Variants in DHX57 observed in about 807,000 individuals in gnomAD.
DHX57 encodes the protein putative ATP-dependent RNA helicase DHX57.
DHX57 carries 105 observed loss-of-function variants against 156.2 expected under a neutral mutation model. The ratio of observed to expected loss-of-function variants is 0.67; its 90% CI spans 0.57 to 0.79. The LOEUF is 0.79. DHX57 is among the 30% of genes least tolerant of loss of function. DHX57 has a pLI of 0.00. For synonymous variants in DHX57, 704 were observed against 595.6 expected (o/e 1.18, Z -2.65); for missense variants, 1,847 against 1,661.9 (o/e 1.11, Z -1.94).
At chr2:38,811,243 G>A (rs994009685) in intron 21 of DHX57, 2 of 504,424 alleles carry the variant, frequency 4.0e-6, no homozygotes, top group African/African-American at 1.9e-5. Flanking sequence ...GGATCCTCCC[G>A]GGAGCAATGA....
chr2:38,820,126 T>C (rs1670737162), intron 17 of DHX57, among the ~76,000 whole-genome samples: 4 of 152,220 alleles, frequency 2.6e-5, no homozygotes, highest in Admixed American at 2.6e-4. Context: ...CTCTAATTTT[T>C]GTATATTTAA....
At chr2:38,817,931 C>G (rs1670624340) in intron 19 of DHX57, among the ~76,000 whole-genome samples, 1 of 151,098 alleles carries the variant, frequency 6.6e-6, no homozygotes, top group Non-Finnish European at 1.5e-5. Context: ...TTCCTGGGCT[C>G]AAGCAATCGT....
At chr2:38,851,177 CTCTT>C (rs1365506102) in intron 9 of DHX57, among the ~76,000 whole-genome samples, 1 of 152,150 alleles carries the variant, frequency 6.6e-6, no homozygotes. Flanking sequence ...AAATACATCT[CTCTT>C]TCTACCATAT....
chr2:38,842,520 T>C (rs1452829454), intron 12 of DHX57, among the ~76,000 whole-genome samples: 1 of 152,018 alleles, frequency 6.6e-6, no homozygotes, highest in Non-Finnish European at 1.5e-5. Flanking sequence ...ACTAAAGTAT[T>C]AAGGGTAAAG....
chr2:38,815,919 T>A, intron 19 of DHX57: 1 of 484,000 alleles, frequency 2.1e-6, no homozygotes, highest in South Asian at 2.2e-5. Flanking sequence ...TAACTCTAGA[T>A]TACAATTTTA....
intron 12 of DHX57, 25 bp downstream of exon 12, chr2:38,842,980 A>G: frequency 6.2e-7 from 1 of 1,605,414 alleles, no homozygotes; most frequent in Non-Finnish European, 8.5e-7. Flanking sequence ...GCATAATTAT[A>G]ATATTCCCCC....
chr2:38,866,259 T>C (rs3099938), intron 2 of DHX57, among the ~76,000 whole-genome samples: 140,246 of 152,184 alleles, frequency 0.92, 65,772 homozygotes, highest in East Asian at 1. Flanking sequence ...TACAGTCTGG[T>C]CTTTCTGATC....
At chr2:38,810,163 G>A (rs1234138032) in intron 21 of DHX57, among the ~76,000 whole-genome samples, 2 of 151,478 alleles carry the variant, frequency 1.3e-5, no homozygotes, top group Admixed American at 1.3e-4. Context: ...CCAAAGTGCA[G>A]GGATTACAGA....
intron 13 of DHX57, among the ~76,000 whole-genome samples, chr2:38,828,973 C>T (rs2124825814): frequency 6.6e-6 from 1 of 152,220 alleles, no homozygotes; most frequent in Middle Eastern, 3.4e-3. Context: ...CAAGGCCTTG[C>T]TCTGTCACCC....
At chr2:38,861,987 C>G in intron 4 of DHX57, 150 bp from the exon 5 acceptor site, 1 of 1,217,418 alleles carries the variant, frequency 8.2e-7, no homozygotes, top group South Asian at 1.6e-5. Flanking sequence ...ACAATAAGCC[C>G]CCCTGAATGA....
intron 2 of DHX57, among the ~76,000 whole-genome samples, chr2:38,865,900 C>T (rs1665044382): frequency 6.6e-6 from 1 of 152,130 alleles, no homozygotes; most frequent in Non-Finnish European, 1.5e-5. Context: ...TCAACTCATG[C>T]CCCTTTATAG....
rs1304229609 is a variant in DHX57, at chr2:38,804,215, G to C, written c.3817-1300C>G. 2.6e-5 allele frequency among the ~76,000 whole-genome samples: 4 copies of C among 152,172 alleles called. No individual in the cohort carries two copies. In the East Asian group the frequency reaches 5.8e-4, roughly 22 times the overall value. Reference sequence around the variant, plus strand: ...CTTTTAAAAACATAAGTCTGGCAGGGCGTGGTGGCTCACGCCTGTAATCCC... The same window carrying C: ...CTTTTAAAAACATAAGTCTGGCAGGCCGTGGTGGCTCACGCCTGTAATCCC... On this transcript the variant is annotated intron_variant, in intron 22 of 23. Coordinates refer to ENST00000457308, the MANE Select transcript of DHX57 (RefSeq NM_198963.3).
intron 13 of DHX57, among the ~76,000 whole-genome samples, chr2:38,836,916 G>A (rs750594078): frequency 3.9e-5 from 6 of 151,936 alleles, no homozygotes; most frequent in Non-Finnish European, 8.8e-5. Flanking sequence ...GCAGTGGTGC[G>A]ATCATGGCTC....
At position 38,861,798 on chromosome 2, in the gene DHX57, C is replaced by G; in HGVS notation, c.612G>C (p.Arg204Ser). The change falls in exon 5 of 24, where the codon AGG becomes AGC. Residue 204 changes from arginine to serine, a missense_variant. By Grantham distance (110) the Arg-to-Ser change is moderately radical (BLOSUM62 -1). Transcript: ENST00000457308. ...ATGCTCCCACATCTCCATCACACAT[C>G]CTCAGGACCGCTTGACAGCGTTCAG... ...FNTERCQAVLRMCDGDVGASL... is the reference protein window; with the variant it reads ...FNTERCQAVLSMCDGDVGASL... 1 of 1,613,006 alleles carries G rather than the reference C, an allele frequency of 6.2e-7. No individual in the cohort carries two copies. Among genetic ancestry groups the G allele is most frequent in the African/African-American group, 1.3e-5 (1 of 75,034 alleles).
chr2:38,805,668 G>T (rs1669900229), intron 22 of DHX57, among the ~76,000 whole-genome samples: 2 of 152,120 alleles, frequency 1.3e-5, no homozygotes. Flanking sequence ...TGACTTCAGG[G>T]TTCTGGTTTT....
chr2:38,870,427 A>G (rs1187718681), intron 1 of DHX57, among the ~76,000 whole-genome samples: 1 of 152,284 alleles, frequency 6.6e-6, no homozygotes, highest in Non-Finnish European at 1.5e-5. Flanking sequence ...GTTGCAATAA[A>G]AATGTTGAAG....
chr2:38,842,420 A>C (rs1672055638), intron 12 of DHX57, among the ~76,000 whole-genome samples: 1 of 152,206 alleles, frequency 6.6e-6, no homozygotes, highest in African/African-American at 2.4e-5. Context: ...TGGACTGTGA[A>C]TTATATAATT....
intron 6 of DHX57, chr2:38,857,160 T>C (rs764652376): frequency 6.5e-6 from 1 of 154,130 alleles, no homozygotes; most frequent in Non-Finnish European, 1.5e-5. Flanking sequence ...ATGTGAAGAA[T>C]AGTGTTACTG....
chr2:38,832,416 G>C (rs905677664), intron 13 of DHX57, among the ~76,000 whole-genome samples: 7 of 152,044 alleles, frequency 4.6e-5, no homozygotes, highest in Non-Finnish European at 7.4e-5. Context: ...TCCATTGCCT[G>C]GGTGACAGAG....
Sources: allele counts gnomAD v4.1 joint callset (sites outside exome capture counted in the v4.1 genomes callset), GRCh38; gene constraint gnomAD v4.1.1; transcripts MANE v1.5; gene names NCBI Gene and HGNC (gene_info 2026-07-23, HGNC 2026-07-21).